Variants in PRKCE observed in about 807,000 individuals in gnomAD.
The protein encoded by PRKCE is protein kinase C epsilon type.
In PRKCE, 16 loss-of-function variants were observed where a neutral mutation model predicts 85.4. The observed-to-expected ratio is 0.19, with a 90% confidence interval of 0.13 to 0.28. The LOEUF is 0.28. PRKCE is among the 10% of genes least tolerant of loss of function. The pLI, the probability that PRKCE is intolerant of heterozygous loss-of-function variation, is 1.00. For missense variants in PRKCE, 573 were observed against 975.2 expected (o/e 0.59, Z 5.49); for synonymous variants, 388 against 371.5 (o/e 1.04, Z -0.51).
At chr2:46,116,651 G>A (rs114050596) in intron 11 of PRKCE, among the ~76,000 whole-genome samples, 45 of 152,168 alleles carry the variant, frequency 3.0e-4, no homozygotes, top group African/African-American at 1.1e-3. Context: ...CAAGTTCATG[G>A]TTTATACATC....
At chr2:45,756,866 T>C (rs1379705213) in intron 1 of PRKCE, among the ~76,000 whole-genome samples, 4 of 152,156 alleles carry the variant, frequency 2.6e-5, no homozygotes, top group African/African-American at 4.8e-5. Flanking sequence ...GAGGAAACTT[T>C]GTGGGCTGAA....
intron 1 of PRKCE, among the ~76,000 whole-genome samples, chr2:45,792,456 A>G: frequency 6.6e-6 from 1 of 152,170 alleles, no homozygotes; most frequent in South Asian, 2.1e-4. Context: ...GTCAGTGGTC[A>G]CTTTCCATCC....
intron 2 of PRKCE, among the ~76,000 whole-genome samples, chr2:45,916,434 T>TG (rs1199060122): frequency 6.6e-6 from 1 of 152,024 alleles, no homozygotes; most frequent in Non-Finnish European, 1.5e-5. Flanking sequence ...TGTGTGGAGA[T>TG]GGGGGTCTCA....
At chr2:45,977,679 T>A (rs916242729) in intron 3 of PRKCE, among the ~76,000 whole-genome samples, 2 of 150,846 alleles carry the variant, frequency 1.3e-5, no homozygotes, top group African/African-American at 2.4e-5. Flanking sequence ...GGGGCTGAGA[T>A]AAAGATGATC....
intron 2 of PRKCE, among the ~76,000 whole-genome samples, chr2:45,903,553 T>C (rs187211753): frequency 6.6e-6 from 1 of 152,356 alleles, no homozygotes; most frequent in East Asian, 1.9e-4. Flanking sequence ...TATAATATTT[T>C]GGTATAACTA....
intron 1 of PRKCE, among the ~76,000 whole-genome samples, chr2:45,701,178 A>G (rs1311669535): frequency 6.6e-6 from 1 of 152,240 alleles, no homozygotes; most frequent in Non-Finnish European, 1.5e-5. Flanking sequence ...AAGGCCAGGA[A>G]CATAATAGGT....
At chr2:45,660,386 G>A (rs886713009) in intron 1 of PRKCE, among the ~76,000 whole-genome samples, 8 of 152,142 alleles carry the variant, frequency 5.3e-5, no homozygotes, top group African/African-American at 1.9e-4. Flanking sequence ...AAGAATCTCC[G>A]TCAAGTCTGA....
At chr2:45,955,899 A>G (rs1342328724) in intron 2 of PRKCE, among the ~76,000 whole-genome samples, 1 of 152,186 alleles carries the variant, frequency 6.6e-6, no homozygotes. Flanking sequence ...CCATTATCGC[A>G]ATAAAAATAT....
chr2:45,679,683 G>T (rs1481741595), intron 1 of PRKCE, among the ~76,000 whole-genome samples: 1 of 152,200 alleles, frequency 6.6e-6, no homozygotes, highest in Non-Finnish European at 1.5e-5. Context: ...CTTACAAGAA[G>T]AGGGGATATG....
chr2:45,657,836 C>G (rs1211563807), intron 1 of PRKCE, among the ~76,000 whole-genome samples: 1 of 152,190 alleles, frequency 6.6e-6, no homozygotes, highest in Non-Finnish European at 1.5e-5. Context: ...AGGCCGTTCT[C>G]CCTTGGCCCA....
intron 10 of PRKCE, among the ~76,000 whole-genome samples, chr2:46,043,967 C>T (rs1357408712): frequency 6.6e-6 from 1 of 152,212 alleles, no homozygotes; most frequent in African/African-American, 2.4e-5. Context: ...ATCTGGCCCA[C>T]TGGCTGGGGT....
rs1048341958 is a variant in PRKCE at position 45,786,880 on chromosome 2, T to C, written c.349-56120T>C. 6.6e-6 allele frequency among the ~76,000 whole-genome samples: 1 copy of C among 152,222 alleles called. No homozygotes were observed. Among genetic ancestry groups the C allele is most frequent in the African/African-American group, 2.4e-5 (1 of 41,456 alleles). On this transcript the variant is annotated intron_variant, in intron 1 of 14. Coordinates refer to ENST00000306156, the MANE Select transcript of PRKCE (RefSeq NM_005400.3). The surrounding 1 kb of genome is among the most constrained non-coding windows in gnomAD (Gnocchi z 5.3). Reference sequence around the variant, plus strand: ...CAAAATCACATGGCAATAGTAGAGATGCGATTCAAACCCTAGGGAATACGA... The same window carrying C: ...CAAAATCACATGGCAATAGTAGAGACGCGATTCAAACCCTAGGGAATACGA...
At chr2:45,665,883 T>C (rs1403714268) in intron 1 of PRKCE, among the ~76,000 whole-genome samples, 5 of 152,162 alleles carry the variant, frequency 3.3e-5, no homozygotes, top group Non-Finnish European at 7.4e-5. Context: ...GATCTGCTTG[T>C]CCTCTTGTCC....
intron 1 of PRKCE, among the ~76,000 whole-genome samples, chr2:45,678,475 G>C (rs932978552): frequency 6.6e-6 from 1 of 152,164 alleles, no homozygotes; most frequent in Non-Finnish European, 1.5e-5. Flanking sequence ...TGCTGGTTAA[G>C]GTAACCAGTC....
intron 2 of PRKCE, among the ~76,000 whole-genome samples, chr2:45,882,253 C>T (rs997851167): frequency 1.6e-4 from 24 of 152,176 alleles, no homozygotes; most frequent in African/African-American, 5.8e-4. Flanking sequence ...TGTGAAGTTA[C>T]AGCACCTTTG....
At chr2:45,741,075 A>G (rs1304244988) in intron 1 of PRKCE, among the ~76,000 whole-genome samples, 1 of 152,250 alleles carries the variant, frequency 6.6e-6, no homozygotes, top group Non-Finnish European at 1.5e-5. Flanking sequence ...AGTTGCTAAA[A>G]TTAAATGCGG....
At chr2:45,669,609 C>A (rs1323159771) in intron 1 of PRKCE, among the ~76,000 whole-genome samples, 1 of 152,190 alleles carries the variant, frequency 6.6e-6, no homozygotes, top group Non-Finnish European at 1.5e-5. Flanking sequence ...CTGATCACAT[C>A]AGTTTCAGGG....
chr2:45,754,635 C>T (rs1055714293), intron 1 of PRKCE, among the ~76,000 whole-genome samples: 2 of 152,182 alleles, frequency 1.3e-5, no homozygotes, highest in African/African-American at 2.4e-5. Context: ...TGTGCCTGCC[C>T]CCTTGAGGGC....
At chr2:45,981,852 T>C (rs1215460933) in intron 5 of PRKCE, among the ~76,000 whole-genome samples, 2 of 152,114 alleles carry the variant, frequency 1.3e-5, no homozygotes, top group Non-Finnish European at 2.9e-5. Flanking sequence ...CACCTGCAGG[T>C]CTCTGCCTCT....
Sources: gnomAD v4.1 joint callset for allele counts (sites outside exome capture counted in the v4.1 genomes callset) on GRCh38, gnomAD v4.1.1 for gene constraint, Gnocchi (gnomAD v3.1) non-coding constraint, MANE v1.5 for transcripts, NCBI Gene and HGNC (gene_info 2026-07-23, HGNC 2026-07-21) for gene names.